Variants in LINGO4 observed in about 807,000 individuals in gnomAD.
The protein encoded by LINGO4 is leucine rich repeat and Ig domain containing 4, also known as leucine-rich repeat and immunoglobulin-like domain-containing nogo receptor-interacting protein 4.
A neutral mutation model predicts 27.9 loss-of-function variants in LINGO4; 22 were observed. The ratio of observed to expected loss-of-function variants is 0.79; its 90% CI spans 0.56 to 1.13. The LOEUF (loss-of-function observed/expected upper bound fraction) is 1.13, where lower values mean the gene tolerates loss of function less well. Among genes scored for constraint, LINGO4 ranks in the 50% most tolerant of loss-of-function variants. The pLI, the probability that LINGO4 is intolerant of heterozygous loss-of-function variation, is 0.00. For synonymous variants in LINGO4, 306 were observed against 325.8 expected, an observed-to-expected ratio of 0.94 and a Z score of 0.65; for missense variants, 706 against 739.4, an observed-to-expected ratio of 0.95 and a Z score of 0.52.
chr1:151,802,549 C>T lies in LINGO4; in HGVS notation c.156G>A (p.Glu52=). The T allele has an allele frequency of 1.2e-6, 2 of 1,602,262 alleles. No individual in the cohort carries two copies. The highest frequency in any genetic ancestry group is 1.7e-6 in the Non-Finnish European group (2 of 1,174,100). The stretch of plus-strand genomic sequence containing the variant: ...CCAGTGGGAGTCCTCCAGGTACAGC[C>T]TCCAGTTGCCTGTGGCCACAGAGCA... The part of the protein sequence containing the change: ...QAVLCGHRQL[E]AVPGGLPLDT... Residue 52 remains glutamate (E), a synonymous_variant, in exon 2 of 2, where the codon GAG becomes GAA. Transcript: ENST00000368820.
rs1481741533 is a variant in LINGO4, at chr1:151,802,553, A to C, written c.152T>G (p.Leu51Arg). The C allele has an allele frequency of 1.9e-6, 3 of 1,602,358 alleles. No homozygotes were observed. The South Asian group carries it at 3.4e-5, about 18-fold the overall frequency. Residue 51 changes from leucine to arginine, a missense_variant, in exon 2 of 2, where the codon CTG becomes CGG. Coordinates refer to ENST00000368820, the MANE Select transcript of LINGO4 (RefSeq NM_001004432.4). Reference protein sequence around the residue: ...PQAVLCGHRQLEAVPGGLPLD... With the variant: ...PQAVLCGHRQREAVPGGLPLD... ...TGGGAGTCCTCCAGGTACAGCCTCC[A>C]GTTGCCTGTGGCCACAGAGCACAGC...
In LINGO4 at chr1:151,801,266, C is replaced by T. The variant is rs1219265876; in HGVS notation, c.1439G>A (p.Gly480Glu). The T allele has an allele frequency of 6.2e-7, 1 of 1,614,204 alleles. No homozygotes were observed. The highest frequency in any genetic ancestry group is 1.7e-5 in the Admixed American group (1 of 60,034). Residue 480 changes from glycine to glutamate, a missense_variant, in exon 2 of 2, where the codon GGG (glycine) becomes GAG (glutamate). Physicochemically the swap from Gly to Glu is moderately conservative, Grantham distance 98 (BLOSUM62 -2). Coordinates refer to ENST00000368820, the MANE Select transcript of LINGO4 (RefSeq NM_001004432.4). This position sits in a 1 kb window ranked among gnomAD's most constrained non-coding sequence, Gnocchi z 5.7. ...ATTGCTAACCACACAGACATAGGCC[C>T]CTCTGTCCCGTAGCTGCACTGAGCG... is the stretch of plus-strand genomic sequence containing the variant. ...EIRSVQLRDR[G>E]AYVCVVSNVA... is the part of the protein sequence containing the mutation.
rs1203664634 is a variant in LINGO4, at chr1:151,802,601, C to T, written c.104G>A (p.Cys35Tyr). ...AGCCTGGGGCTGGGAGGTGCAGTCA[C>T]ACACAGCAGGGCAGCTGCCACCGCT... Reference protein sequence around the residue: ...GGSGGSCPAVCDCTSQPQAVL... With the variant: ...GGSGGSCPAVYDCTSQPQAVL... The change falls in exon 2 of 2, where the codon TGT becomes TAT. Residue 35 changes from cysteine (C) to tyrosine (Y), a missense_variant. Transcript: ENST00000368820. The T allele has an allele frequency of 6.2e-7, 1 of 1,601,580 alleles. No individual in the cohort carries two copies. The highest frequency in any genetic ancestry group is 1.3e-5 in the African/African-American group (1 of 74,778).
intron 1 of LINGO4, among the ~76,000 whole-genome samples, chr1:151,803,813 A>G (rs1294649173): frequency 1.3e-5 from 2 of 152,150 alleles, no homozygotes; most frequent in Admixed American, 1.3e-4. Flanking sequence ...GTAGACTTAT[A>G]GTCAGTTTCT....
At position 151,801,353 on chromosome 1, in the gene LINGO4, T is replaced by C. The variant is rs752269943; in HGVS notation, c.1352A>G (p.His451Arg). 1.6e-5 allele frequency: 26 copies of C among 1,613,502 alleles called. No homozygotes were observed. Among genetic ancestry groups the C allele is most frequent in the Middle Eastern group, 1.6e-4 (1 of 6,084 alleles). The change falls in exon 2 of 2, where the codon CAT becomes CGT. Residue 451 changes from histidine to arginine, a missense_variant. By Grantham distance (29) the His-to-Arg change is conservative. Transcript: ENST00000368820. This position sits in a 1 kb window ranked among gnomAD's most constrained non-coding sequence, Gnocchi z 5.7. ...CCCAGCCCTGCCCAGCCAAGCCCCA[T>C]GAGGCCTCATCCAGGAGACAGTGGG... is the stretch of plus-strand genomic sequence containing the variant. ...PAPTVSWMRP[H>R]GAWLGRAGRV...
chr1:151,804,479 G>T (rs1399121815), intron 1 of LINGO4, among the ~76,000 whole-genome samples: 1 of 152,216 alleles, frequency 6.6e-6, no homozygotes, highest in East Asian at 1.9e-4. Context: ...AAGTCCACCT[G>T]ACAGCTAGCT....
Position 151,801,779 on chromosome 1 carries a change from C to T in LINGO4, c.926G>A (p.Gly309Glu). Residue 309 changes from glycine to glutamate, a missense_variant, in exon 2 of 2, where the codon GGG becomes GAG. Coordinates refer to ENST00000368820, the MANE Select transcript of LINGO4 (RefSeq NM_001004432.4). The surrounding 1 kb of genome is among the most constrained non-coding windows in gnomAD (Gnocchi z 5.7). ...GGCAGCAATGGAGGTGAGGCATGCC[C>T]CTGACAGGCGTAGCTCCTGGAGCCG... ...LVRLQELRLS[G>E]ACLTSIAAHA... is the part of the protein sequence containing the mutation. The T allele has an allele frequency of 6.2e-6, 10 of 1,614,184 alleles. No individual in the cohort carries two copies. Among genetic ancestry groups the T allele is most frequent in the Non-Finnish European group, 6.8e-6 (8 of 1,180,018 alleles).
In LINGO4 at chr1:151,802,412, G is replaced by C. The variant is rs61732470; in HGVS notation, c.293C>G (p.Thr98Ser). Reference protein sequence around the residue: ...ELDLSYNQLSTLEPGAFHGLQ... With the variant: ...ELDLSYNQLSSLEPGAFHGLQ... ...GCCATGGAAGGCCCCAGGCTCAAGG[G>C]TTGAGAGCTGGTTGTAGCTGAGGTC... is the stretch of plus-strand genomic sequence containing the variant. Residue 98 changes from threonine (T) to serine (S), a missense_variant, in exon 2 of 2, where the codon ACC becomes AGC. Transcript: ENST00000368820. 6.2e-7 allele frequency: 1 copy of C among 1,614,120 alleles called. No homozygotes were observed. Among genetic ancestry groups the C allele is most frequent in the Admixed American group, 1.7e-5 (1 of 60,010 alleles).
chr1:151,805,095 G>A (rs1651250763), intron 1 of LINGO4, 135 bp downstream of exon 1: 1 of 152,764 alleles, frequency 6.5e-6, no homozygotes, highest in African/African-American at 2.4e-5. Context: ...ATGGGGCCAG[G>A]ATTAATTGTT....
chr1:151,803,252 C>G (rs778046903), intron 1 of LINGO4, among the ~76,000 whole-genome samples: 1 of 152,222 alleles, frequency 6.6e-6, no homozygotes, highest in African/African-American at 2.4e-5. Flanking sequence ...AGGTCCTCAC[C>G]TTGACTAGCT....
chr1:151,801,861 C>A lies in LINGO4; in HGVS notation c.844G>T (p.Asp282Tyr). The change falls in exon 2 of 2, where the codon GAT becomes TAT. Residue 282 changes from aspartate to tyrosine, a missense_variant. Asp to Tyr is a radical substitution (Grantham distance 160). Transcript: ENST00000368820. The surrounding 1 kb of genome is among the most constrained non-coding windows in gnomAD (Gnocchi z 5.7). ...GCTGAGATGGGATTCTGGGACAGAT[C>A]CAGGACCCTGAGGAAGCTGAGGTGG... ...LYHLSFLRVL[D>Y]LSQNPISAIP... 1.2e-6 allele frequency: 2 copies of A among 1,614,192 alleles called. No homozygotes were observed. Among genetic ancestry groups the A allele is most frequent in the South Asian group, 2.2e-5 (2 of 91,074 alleles).
Position 151,801,028 on chromosome 1 carries a change from C to T in LINGO4, c.1677G>A (p.Lys559=), listed in dbSNP as rs746645285. ...LCFGLIALWS[K]GKGRVKHHMT... is the part of the protein sequence containing the mutation. The stretch of plus-strand genomic sequence containing the variant: ...TGTGATGTTTGACCCGACCTTTGCC[C>T]TTGCTCCAAAGGGCAATCAGGCCAA... The change falls in exon 2 of 2, where the codon AAG becomes AAA. Residue 559 remains lysine, a synonymous_variant. Coordinates refer to ENST00000368820, the MANE Select transcript of LINGO4 (RefSeq NM_001004432.4). This position sits in a 1 kb window ranked among gnomAD's most constrained non-coding sequence, Gnocchi z 5.7. The T allele has an allele frequency of 1.7e-5, 27 of 1,614,184 alleles. No homozygotes were observed. Among genetic ancestry groups the T allele is most frequent in the South Asian group, 1.3e-4 (12 of 91,074 alleles).
Position 151,800,649 on chromosome 1 carries a change from C to A in LINGO4, c.*274G>T. Reference sequence around the variant, plus strand: ...CTGACTAGCGCTTTGATTATGTTTCCTGTTTTGTGTGTGGAGGGGGTGAAG... The same window carrying A: ...CTGACTAGCGCTTTGATTATGTTTCATGTTTTGTGTGTGGAGGGGGTGAAG... On this transcript the variant is annotated 3_prime_UTR_variant, in exon 2 of 2. Coordinates refer to ENST00000368820, the MANE Select transcript of LINGO4 (RefSeq NM_001004432.4). 2.3e-6 allele frequency: 1 copy of A among 439,674 alleles called. No individual in the cohort carries two copies. Among genetic ancestry groups the A allele is most frequent in the East Asian group, 3.7e-5 (1 of 27,342 alleles). The allele number at this position is 439,674 out of a possible 1,614,324, so 27.2% of individuals were successfully genotyped here.
Position 151,802,196 on chromosome 1 carries a change from A to C in LINGO4, c.509T>G (p.Phe170Cys). 4 of 1,614,142 alleles carry C rather than the reference A, an allele frequency of 2.5e-6. No homozygotes were observed. Among genetic ancestry groups the C allele is most frequent in the Non-Finnish European group, 2.5e-6 (3 of 1,180,012 alleles). The change falls in exon 2 of 2, where the codon TTT becomes TGT. Residue 170 changes from phenylalanine (F) to cysteine (C), a missense_variant. By Grantham distance (205) the Phe-to-Cys change is radical (BLOSUM62 -2). Coordinates refer to ENST00000368820, the MANE Select transcript of LINGO4 (RefSeq NM_001004432.4). The part of the protein sequence containing the change: ...KLEVGDNHLV[F>C]VAPGAFAGLA... ...CCCTGCAAAGGCCCCCGGAGCCACA[A>C]ATACCAGGTGGTTGTCCCCAACCTC...
intron 1 of LINGO4, among the ~76,000 whole-genome samples, chr1:151,805,000 G>A (rs979992209): frequency 6.6e-6 from 1 of 152,214 alleles, no homozygotes; most frequent in Admixed American, 6.5e-5. Context: ...GGAAGGGGAA[G>A]CACTGGGGAG....
chr1:151,802,627 C>A lies in LINGO4; in HGVS notation c.78G>T (p.Gly26=). ...ACACAGCAGGGCAGCTGCCACCGCT[C>A]CCTCCAGGTAGGAGGAGGAGGAAAA... ...PLLFLLLLPG[G]SGGSCPAVCD... Residue 26 remains glycine (G), a synonymous_variant, in exon 2 of 2, where the codon GGG becomes GGT. Transcript: ENST00000368820. 1 of 1,592,384 alleles carries A rather than the reference C, an allele frequency of 6.3e-7. No homozygotes were observed. Among genetic ancestry groups the A allele is most frequent in the Non-Finnish European group, 8.6e-7 (1 of 1,169,090 alleles).
In LINGO4 at chr1:151,801,091, G is replaced by T; in HGVS notation, c.1614C>A (p.Val538=). The T allele has an allele frequency of 1.9e-6, 3 of 1,614,182 alleles. No homozygotes were observed. The highest frequency in any genetic ancestry group is 2.5e-6 in the Non-Finnish European group (3 of 1,180,028). Residue 538 remains valine, a synonymous_variant, in exon 2 of 2, where the codon GTC becomes GTA. Coordinates refer to ENST00000368820, the MANE Select transcript of LINGO4 (RefSeq NM_001004432.4). The surrounding 1 kb of genome is among the most constrained non-coding windows in gnomAD (Gnocchi z 5.7). ...CTGAGGTGAGGAAGGGGAGGAAGCC[G>T]ACTGCCAGCACCATGGCCACACCTC... ...DSRGVAMVLA[V]GFLPFLTSVT...
Position 151,800,820 on chromosome 1 carries a change from C to A in LINGO4, c.*103G>T, listed in dbSNP as rs558413907. On this transcript the variant is annotated 3_prime_UTR_variant, in exon 2 of 2. Coordinates refer to ENST00000368820, the MANE Select transcript of LINGO4 (RefSeq NM_001004432.4). ...AACGCAGGCGGGAGGTGCAGGAGAG[C>A]GGTGCTGCTCGGGACTAGGTTCTGG... 3.8e-5 allele frequency: 40 copies of A among 1,043,466 alleles called. No homozygotes were observed. Among genetic ancestry groups the A allele is most frequent in the African/African-American group, 6.4e-5 (4 of 62,526 alleles). The allele number at this position is 1,043,466 out of a possible 1,614,324, so 64.6% of individuals were successfully genotyped here. A position where few individuals can be genotyped will look rare whatever the true frequency, so the allele number is the denominator to read the frequency against.
chr1:151,801,160 G>T lies in LINGO4; in HGVS notation c.1545C>A (p.Asn515Lys), dbSNP rs767738214. 2.5e-6 allele frequency: 4 copies of T among 1,614,222 alleles called. No individual in the cohort carries two copies. Among genetic ancestry groups the T allele is most frequent in the South Asian group, 1.1e-5 (1 of 91,090 alleles). ...GCCCTGGGATCCCTGGCACGGTGAT[G>T]TTGGGGTCAGAAAGTGTGCCGTTTG... ...EPPNGTLSDP[N>K]ITVPGIPGPF... is the part of the protein sequence containing the mutation. The change falls in exon 2 of 2, where the codon AAC (asparagine) becomes AAA (lysine). Residue 515 changes from asparagine to lysine, a missense_variant. Physicochemically the swap from Asn to Lys is moderately conservative, Grantham distance 94. Transcript: ENST00000368820. The surrounding 1 kb of genome is among the most constrained non-coding windows in gnomAD (Gnocchi z 5.7).
Sources: gnomAD v4.1 joint callset for allele counts (sites outside exome capture counted in the v4.1 genomes callset) on GRCh38, gnomAD v4.1.1 for gene constraint, Gnocchi (gnomAD v3.1) non-coding constraint, MANE v1.5 for transcripts, NCBI Gene and HGNC (gene_info 2026-07-23, HGNC 2026-07-21) for gene names.